Variants in GALNTL6 observed in about 807,000 individuals in gnomAD.
GALNTL6 encodes polypeptide N-acetylgalactosaminyltransferase like 6, also known as polypeptide N-acetylgalactosaminyltransferase-like 6.
GALNTL6 carries 46 observed loss-of-function variants against 73.7 expected under a neutral mutation model. The observed-to-expected ratio is 0.62, with a 90% CI of 0.49 to 0.80. The LOEUF (loss-of-function observed/expected upper bound fraction) is 0.80, where lower values mean the gene tolerates loss of function less well. Ranked by LOEUF, GALNTL6 falls within the 30% of genes least tolerant of loss-of-function variation. The pLI is 0.00. For synonymous variants in GALNTL6, 259 were observed against 263.7 expected (o/e 0.98, Z 0.17); for missense variants, 604 against 755.0 (o/e 0.80, Z 2.34).
At chr4:172,427,649 TA>T (rs541883313) in intron 5 of GALNTL6, among the ~76,000 whole-genome samples, 44 of 152,250 alleles carry the variant, frequency 2.9e-4, no homozygotes, top group Admixed American at 2.8e-3. Context: ...TAATAATAAA[TA>T]GGGACCAACA....
intron 5 of GALNTL6, among the ~76,000 whole-genome samples, chr4:172,695,570 C>T (rs1018453216): frequency 7.2e-5 from 11 of 152,302 alleles, no homozygotes; most frequent in African/African-American, 2.6e-4. Context: ...TTTTATCTCC[C>T]TGAGATTTCT....
chr4:172,293,308 A>T (rs1033899075), intron 3 of GALNTL6, among the ~76,000 whole-genome samples: 2 of 152,078 alleles, frequency 1.3e-5, no homozygotes, highest in African/African-American at 2.4e-5. Flanking sequence ...CCTTTCTTTT[A>T]GCATCATGTG....
intron 5 of GALNTL6, among the ~76,000 whole-genome samples, chr4:172,533,698 CA>C (rs1479467511): frequency 6.6e-6 from 1 of 152,070 alleles, no homozygotes; most frequent in African/African-American, 2.4e-5. Flanking sequence ...GCCCAAGTCA[CA>C]GACTAAACTA....
intron 2 of GALNTL6, among the ~76,000 whole-genome samples, chr4:171,903,866 A>AC (rs1278691433): frequency 1.3e-5 from 2 of 151,798 alleles, no homozygotes; most frequent in African/African-American, 2.4e-5. Flanking sequence ...ACTGGCAGGC[A>AC]CCCCCCAGCA....
chr4:172,314,024 A>G (rs750781056), intron 4 of GALNTL6, among the ~76,000 whole-genome samples: 6 of 152,226 alleles, frequency 3.9e-5, no homozygotes, highest in Non-Finnish European at 7.3e-5. Flanking sequence ...TGTTTAAAGT[A>G]CTATGCTTTT....
chr4:172,645,087 A>G (rs1344298502), intron 5 of GALNTL6, among the ~76,000 whole-genome samples: 2 of 152,046 alleles, frequency 1.3e-5, no homozygotes, highest in Non-Finnish European at 2.9e-5. Context: ...TATAAGTTCT[A>G]GACAGAAGTC....
intron 5 of GALNTL6, among the ~76,000 whole-genome samples, chr4:172,443,842 G>T (rs2111406648): frequency 6.6e-6 from 1 of 152,280 alleles, no homozygotes; most frequent in Middle Eastern, 3.4e-3. Flanking sequence ...TCCCTCCAAG[G>T]AAAGGTGTGG....
At chr4:172,602,263 G>A (rs1244844889) in intron 5 of GALNTL6, among the ~76,000 whole-genome samples, 1 of 152,080 alleles carries the variant, frequency 6.6e-6, no homozygotes, top group African/African-American at 2.4e-5. Context: ...TACATCTACA[G>A]AAAGAAGTGA....
intron 2 of GALNTL6, among the ~76,000 whole-genome samples, chr4:172,079,220 G>GT (rs35946515): frequency 7.0e-4 from 106 of 151,578 alleles, no homozygotes; most frequent in East Asian, 1.2e-3. Context: ...TATGTCATAG[G>GT]TTTTTTTTGT....
intron 5 of GALNTL6, among the ~76,000 whole-genome samples, chr4:172,656,238 C>T (rs112298612): frequency 7.2e-5 from 11 of 152,278 alleles, no homozygotes; most frequent in African/African-American, 2.4e-4. Context: ...TGGACACTGC[C>T]ATGCAGTGTC....
chr4:172,034,409 T>TGG (rs1408536712), intron 2 of GALNTL6, among the ~76,000 whole-genome samples: 5 of 51,194 alleles, frequency 9.8e-5, no homozygotes, highest in Non-Finnish European at 2.1e-4. Flanking sequence ...CGTGTGTGTG[T>TGG]GTGTGTGTGT....
At chr4:172,950,156 C>A (rs975553493) in intron 9 of GALNTL6, among the ~76,000 whole-genome samples, 1 of 152,130 alleles carries the variant, frequency 6.6e-6, no homozygotes, top group East Asian at 1.9e-4. Flanking sequence ...ATGAATCAGG[C>A]AATTCCGAAT....
At chr4:172,306,388 C>T (rs1740138264) in intron 3 of GALNTL6, among the ~76,000 whole-genome samples, 1 of 151,620 alleles carries the variant, frequency 6.6e-6, no homozygotes, top group Non-Finnish European at 1.5e-5. Context: ...GATTCCATCT[C>T]CAATAAATGA....
intron 5 of GALNTL6, among the ~76,000 whole-genome samples, chr4:172,633,084 C>G (rs1029664900): frequency 2.0e-5 from 3 of 152,330 alleles, no homozygotes; most frequent in Middle Eastern, 3.4e-3. Flanking sequence ...CTCATGGGAG[C>G]TTCTGCTAGG....
At chr4:172,557,112 T>A (rs1014211690) in intron 5 of GALNTL6, among the ~76,000 whole-genome samples, 25 of 152,138 alleles carry the variant, frequency 1.6e-4, no homozygotes, top group Non-Finnish European at 3.1e-4. Flanking sequence ...TTCGTTGCAT[T>A]TTCCCTGCTG....
At chr4:172,765,967 T>C (rs28529352) in intron 5 of GALNTL6, among the ~76,000 whole-genome samples, 6,834 of 152,136 alleles carry the variant, frequency 0.045, 274 homozygotes, top group African/African-American at 0.1. Context: ...AATAATGATA[T>C]TAGAGAAAGA....
intron 5 of GALNTL6, among the ~76,000 whole-genome samples, chr4:172,559,522 C>G (rs1007737465): frequency 1.3e-5 from 2 of 152,176 alleles, no homozygotes; most frequent in Non-Finnish European, 2.9e-5. Context: ...TAACTCTTCT[C>G]TGAATACATC....
chr4:173,037,701 G>A (rs958348583), intron 12 of GALNTL6, among the ~76,000 whole-genome samples: 2 of 151,848 alleles, frequency 1.3e-5, no homozygotes, highest in African/African-American at 4.8e-5. Flanking sequence ...ATGAAGTTAT[G>A]TGTTTTGAGG....
rs202014780 is a variant in GALNTL6 at position 172,066,608 on chromosome 4, A to AATC, written c.139-163047_139-163045dup. Among the ~76,000 whole-genome samples the AATC allele has an allele frequency of 6.0e-4, 91 of 151,312 alleles. 1 individual carries two copies. In the East Asian group the frequency reaches 0.018, roughly 30 times the overall value. On this transcript the variant is annotated intron_variant, in intron 2 of 12. Transcript: ENST00000506823. ...TTGGCCTCAGGATTAGTGAAGAGCT[A>AATC]ATCTGAGTTTTAGTGATACATGAAC...
Sources: allele counts gnomAD v4.1 joint callset (sites outside exome capture counted in the v4.1 genomes callset), GRCh38; gene constraint gnomAD v4.1.1; transcripts MANE v1.5; gene names NCBI Gene and HGNC (gene_info 2026-07-23, HGNC 2026-07-21).